PCNX2: variants seen among roughly 807,000 people sequenced by gnomAD.
PCNX2 encodes pecanex 2, also known as pecanex-like protein 2.
PCNX2 carries 168 observed loss-of-function variants against 223.8 expected under a neutral mutation model. That is an observed-to-expected ratio of 0.75 (90% confidence interval 0.66 to 0.85). PCNX2 has a LOEUF of 0.85. Ranked by LOEUF, PCNX2 falls within the 40% of genes least tolerant of loss-of-function variation. PCNX2 has a pLI of 0.00. For missense variants in PCNX2, 2,507 were observed against 2,675.5 expected, an observed-to-expected ratio of 0.94 and a Z score of 1.39; for synonymous variants, 1,006 against 1,052.6, an observed-to-expected ratio of 0.96 and a Z score of 0.86.
At chr1:233,291,022 C>T in intron 1 of PCNX2, 1 of 985,440 alleles carries the variant, frequency 1.0e-6, no homozygotes, top group Non-Finnish European at 1.2e-6. Context: ...ATGCCACTGG[C>T]ATAATCATAA....
intron 17 of PCNX2, among the ~76,000 whole-genome samples, chr1:233,163,986 T>A (rs1206528689): frequency 6.6e-6 from 1 of 152,206 alleles, no homozygotes; most frequent in African/African-American, 2.4e-5. Flanking sequence ...TATTTGCAGC[T>A]AAATAAAGCT....
intron 32 of PCNX2, among the ~76,000 whole-genome samples, chr1:232,989,832 G>C (rs563487179): frequency 7.9e-5 from 12 of 152,208 alleles, no homozygotes; most frequent in Non-Finnish European, 1.2e-4. Context: ...TCAATATCTT[G>C]ACTAGAGGCT....
intron 21 of PCNX2, chr1:233,113,077 C>A (rs1055065589): frequency 3.4e-6 from 4 of 1,172,016 alleles, no homozygotes; most frequent in Admixed American, 2.4e-5. Flanking sequence ...ACTAAGAATG[C>A]AGCCACAGGC....
chr1:233,289,891 G>A (rs1661660396), intron 1 of PCNX2, among the ~76,000 whole-genome samples: 1 of 152,246 alleles, frequency 6.6e-6, no homozygotes, highest in African/African-American at 2.4e-5. Flanking sequence ...GTTGCATGCT[G>A]CACAAAGGTC....
intron 8 of PCNX2, among the ~76,000 whole-genome samples, chr1:233,238,942 C>G (rs1005095442): frequency 6.6e-6 from 1 of 152,060 alleles, no homozygotes; most frequent in East Asian, 1.9e-4. Context: ...TAATCTCTGT[C>G]GTTAACAGAG....
intron 12 of PCNX2, among the ~76,000 whole-genome samples, chr1:233,217,651 A>G (rs1328674673): frequency 6.6e-6 from 1 of 152,058 alleles, no homozygotes; most frequent in Non-Finnish European, 1.5e-5. Context: ...CCAGTGGGAT[A>G]GGAAAGACTC....
intron 22 of PCNX2, among the ~76,000 whole-genome samples, chr1:233,090,470 A>C (rs375887877): frequency 6.6e-5 from 10 of 152,318 alleles, no homozygotes; most frequent in African/African-American, 2.4e-4. Context: ...AAGGATTGAA[A>C]AGAACAGTTT....
At chr1:233,119,591 AAAAAAACAAAAAC>A (rs1675643492) in intron 21 of PCNX2, among the ~76,000 whole-genome samples, 2 of 137,502 alleles carry the variant, frequency 1.5e-5, no homozygotes, top group East Asian at 4.8e-4. Flanking sequence ...TCTCAAAAAA[AAAAAAACAAAAAC>A]AAAAACAAAA....
At chr1:233,146,129 T>C (rs1362751336) in intron 19 of PCNX2, among the ~76,000 whole-genome samples, 1 of 152,228 alleles carries the variant, frequency 6.6e-6, no homozygotes, top group Non-Finnish European at 1.5e-5. Flanking sequence ...GCAAAGAATG[T>C]TATTCCTTCA....
At chr1:233,193,016 ATTATT>A (rs1387311597) in intron 15 of PCNX2, among the ~76,000 whole-genome samples, 38 of 147,288 alleles carry the variant, frequency 2.6e-4, no homozygotes, top group Non-Finnish European at 9.0e-5. Flanking sequence ...ATAATTATAT[ATTATT>A]TTAATATATT....
At chr1:233,074,618 A>G (rs1293599064) in intron 23 of PCNX2, among the ~76,000 whole-genome samples, 3 of 143,000 alleles carry the variant, frequency 2.1e-5, no homozygotes, top group Non-Finnish European at 4.6e-5. Context: ...AAAAAAAAAA[A>G]AAAAAGAGGA....
intron 23 of PCNX2, among the ~76,000 whole-genome samples, chr1:233,070,733 T>A (rs928927485): frequency 6.6e-6 from 1 of 151,574 alleles, no homozygotes; most frequent in Non-Finnish European, 1.5e-5. Context: ...TTGATAAAGA[T>A]CATCTATAAA....
chr1:233,035,603 G>A (rs1278368491), intron 25 of PCNX2, among the ~76,000 whole-genome samples: 1 of 152,162 alleles, frequency 6.6e-6, no homozygotes, highest in Admixed American at 6.5e-5. Context: ...CTCACAAAGT[G>A]GACATTCTTA....
intron 23 of PCNX2, among the ~76,000 whole-genome samples, chr1:233,071,923 C>T (rs573670562): frequency 9.9e-5 from 15 of 152,252 alleles, no homozygotes; most frequent in South Asian, 2.1e-4. Flanking sequence ...TTTTATCATA[C>T]GCTTGGCTGC....
At chr1:233,241,873 T>C (rs1413365960) in intron 8 of PCNX2, among the ~76,000 whole-genome samples, 1 of 152,206 alleles carries the variant, frequency 6.6e-6, no homozygotes, top group Non-Finnish European at 1.5e-5. Context: ...AGTCAGAGTG[T>C]CACTATTATT....
rs112185144 is a variant in PCNX2 at position 233,141,128 on chromosome 1, A to G, written c.3518-1273T>C. Among the ~76,000 whole-genome samples the G allele has an allele frequency of 2.5e-3, 388 of 152,312 alleles. 2 individuals are homozygous for G. The highest frequency in any genetic ancestry group is 9.1e-3 in the African/African-American group (378 of 41,560). On this transcript the variant is annotated intron_variant, in intron 19 of 33. Coordinates refer to ENST00000258229, the MANE Select transcript of PCNX2 (RefSeq NM_014801.4). ...TGGGTTGCACAAGAACAACTCACAA[A>G]AGAGAAAAAGTTCAAGCTGACAAAA...
At chr1:233,090,596 CTGTT>C (rs1163992960) in intron 22 of PCNX2, among the ~76,000 whole-genome samples, 3 of 152,074 alleles carry the variant, frequency 2.0e-5, no homozygotes, top group Non-Finnish European at 2.9e-5. Context: ...AATAATATAA[CTGTT>C]TGGGAAGGTA....
In PCNX2 at chr1:233,053,426, C is replaced by T. The variant is rs1672077563; in HGVS notation, c.4351+842G>A. 2.0e-5 allele frequency among the ~76,000 whole-genome samples: 3 copies of T among 152,110 alleles called. No homozygotes were observed. The South Asian group carries it at 6.2e-4, about 31-fold the overall frequency. The stretch of plus-strand genomic sequence containing the variant: ...CATCCTCTGCAGTGACTTTGGGTTC[C>T]AGAACCCTATTTACTTCTTTCATAG... On this transcript the variant is annotated intron_variant, in intron 25 of 33. Coordinates refer to ENST00000258229, the MANE Select transcript of PCNX2 (RefSeq NM_014801.4).
At chr1:233,291,684 A>T (rs1215582395) in intron 1 of PCNX2, 22 of 984,330 alleles carry the variant, frequency 2.2e-5, no homozygotes, top group Non-Finnish European at 2.5e-5. Flanking sequence ...CAGGACTTAC[A>T]CAGGCCAGAA....
Sources: gnomAD v4.1 joint callset for allele counts (sites outside exome capture counted in the v4.1 genomes callset) on GRCh38, gnomAD v4.1.1 for gene constraint, MANE v1.5 for transcripts, NCBI Gene and HGNC (gene_info 2026-07-23, HGNC 2026-07-21) for gene names.